APPBP2: variants seen among roughly 807,000 people sequenced by gnomAD.
APPBP2 encodes the protein amyloid beta precursor protein binding protein 2, also known as amyloid protein-binding protein 2.
APPBP2 carries 15 observed loss-of-function variants against 76.0 expected under a neutral mutation model. That is an observed-to-expected ratio of 0.20 (90% confidence interval 0.13 to 0.30). The LOEUF is 0.30. APPBP2 is among the 10% of genes least tolerant of loss of function. The pLI, the probability that APPBP2 is intolerant of heterozygous loss-of-function variation, is 1.00. For missense variants in APPBP2, 401 were observed against 687.2 expected (o/e 0.58, Z 4.66); for synonymous variants, 222 against 242.2 (o/e 0.92, Z 0.77).
chr17:60,445,094 T>C lies in APPBP2; in HGVS notation c.*2487A>G, dbSNP rs770058878. 7 of 152,230 alleles carry C rather than the reference T, an allele frequency of 4.6e-5. No individual in the cohort carries two copies. Among genetic ancestry groups the C allele is most frequent in the Non-Finnish European group, 1.0e-4 (7 of 68,038 alleles). 9.4% of individuals were successfully genotyped at this position (152,230 alleles called of 1,614,324 possible). ...TTACACTTAAAGTCATAGGGTATTATTCTTCATTAGAACCAGAAATAATAG... is the reference window on the plus strand; with the variant it reads ...TTACACTTAAAGTCATAGGGTATTACTCTTCATTAGAACCAGAAATAATAG... On this transcript the variant is annotated 3_prime_UTR_variant, in exon 13 of 13. Coordinates refer to ENST00000083182, the MANE Select transcript of APPBP2 (RefSeq NM_006380.5).
At position 60,477,386 on chromosome 17, in the gene APPBP2, G is replaced by C. The variant is rs147809062; in HGVS notation, c.503+1762C>G. 1.8e-4 allele frequency: 28 copies of C among 152,276 alleles called. No homozygotes were observed. The East Asian group carries it at 5.2e-3, about 28-fold the overall frequency. 9.4% of individuals were successfully genotyped at this position (152,276 alleles called of 1,614,324 possible). ...ATCTTTTGGTCAAGATTGCCATAGT[G>C]AATAATCTATGATAAAAATCATACA... On this transcript the variant is annotated intron_variant, in intron 4 of 12. Transcript: ENST00000083182.
intron 1 of APPBP2, among the ~76,000 whole-genome samples, chr17:60,523,181 G>C (rs2091024458): frequency 2.0e-5 from 3 of 152,218 alleles, no homozygotes; most frequent in African/African-American, 7.2e-5. Context: ...GCTTTAAAGT[G>C]CAGAAAATTG....
chr17:60,483,872 T>G (rs578239948), intron 3 of APPBP2, among the ~76,000 whole-genome samples: 21 of 152,312 alleles, frequency 1.4e-4, no homozygotes, highest in African/African-American at 4.8e-4. Flanking sequence ...GGTCTAACAT[T>G]TAAGTCTTTA....
At chr17:60,516,260 TAAAC>T (rs1436572411) in intron 1 of APPBP2, among the ~76,000 whole-genome samples, 1 of 152,170 alleles carries the variant, frequency 6.6e-6, no homozygotes, top group African/African-American at 2.4e-5. Flanking sequence ...CAGTGCCCAA[TAAAC>T]AAACATCCCA....
Position 60,444,303 on chromosome 17 carries a change from G to A in APPBP2, c.*3278C>T, listed in dbSNP as rs964747618. ...AAGCAGCAAGGCTACAAATTCTAGG[G>A]AAAACATAAAAAGTGGCAGTTAATG... is the stretch of plus-strand genomic sequence containing the variant. On this transcript the variant is annotated 3_prime_UTR_variant, in exon 13 of 13. Transcript: ENST00000083182. 6.6e-6 allele frequency: 1 copy of A among 152,296 alleles called. No individual in the cohort carries two copies. The highest frequency in any genetic ancestry group is 2.1e-4 in the South Asian group (1 of 4,782). The allele number at this position is 152,296 out of a possible 1,614,324, so 9.4% of individuals were successfully genotyped here. A position where few individuals can be genotyped will look rare whatever the true frequency, so the allele number is the denominator to read the frequency against.
intron 1 of APPBP2, among the ~76,000 whole-genome samples, chr17:60,510,983 T>C (rs2090907616): frequency 6.6e-6 from 1 of 152,136 alleles, no homozygotes; most frequent in Non-Finnish European, 1.5e-5. Flanking sequence ...AAGAATGAAC[T>C]TATGTGTATT....
At chr17:60,475,955 G>C (rs2090587910) in intron 4 of APPBP2, among the ~76,000 whole-genome samples, 1 of 152,244 alleles carries the variant, frequency 6.6e-6, no homozygotes, top group Admixed American at 6.5e-5. Flanking sequence ...AAACTGAAAA[G>C]GGGGTTGCGG....
intron 4 of APPBP2, among the ~76,000 whole-genome samples, chr17:60,469,463 A>G (rs939552623): frequency 6.6e-6 from 1 of 151,928 alleles, no homozygotes; most frequent in African/African-American, 2.4e-5. Flanking sequence ...CATATGAGCT[A>G]TTTTTAAGTA....
chr17:60,526,078 C>T lies in APPBP2; in HGVS notation c.-147G>A. On this transcript the variant is annotated 5_prime_UTR_variant, in exon 1 of 13. Coordinates refer to ENST00000083182, the MANE Select transcript of APPBP2 (RefSeq NM_006380.5). ...ACGGCAGAAGGCACGGCCGCCCTGC[C>T]TCCTCCGGGGGCAAACTGAGGGACG... is the stretch of plus-strand genomic sequence containing the variant. 1.4e-6 allele frequency: 1 copy of T among 734,502 alleles called. No individual in the cohort carries two copies. Among genetic ancestry groups the T allele is most frequent in the South Asian group, 1.9e-5 (1 of 53,512 alleles). The allele number at this position is 734,502 out of a possible 1,614,324, so 45.5% of individuals were successfully genotyped here. A position where few individuals can be genotyped will look rare whatever the true frequency, so the allele number is the denominator to read the frequency against.
chr17:60,506,588 T>A (rs1465003333), intron 1 of APPBP2, among the ~76,000 whole-genome samples: 1 of 152,216 alleles, frequency 6.6e-6, no homozygotes, highest in African/African-American at 2.4e-5. Context: ...CACAGTAGCA[T>A]TAAGACATGC....
chr17:60,448,444 C>G (rs2090367131), intron 12 of APPBP2, among the ~76,000 whole-genome samples: 1 of 152,208 alleles, frequency 6.6e-6, no homozygotes, highest in African/African-American at 2.4e-5. Context: ...GCTTGGGTGA[C>G]AGAGAGAGAC....
intron 3 of APPBP2, among the ~76,000 whole-genome samples, chr17:60,481,198 C>G (rs1422631684): frequency 1.3e-5 from 2 of 152,130 alleles, no homozygotes; most frequent in African/African-American, 4.8e-5. Flanking sequence ...CTTGGTTCCC[C>G]AAGCCATAGG....
At chr17:60,481,080 C>A (rs534547550) in intron 3 of APPBP2, among the ~76,000 whole-genome samples, 1 of 152,186 alleles carries the variant, frequency 6.6e-6, no homozygotes, top group Admixed American at 6.5e-5. Context: ...CCTAGACCCA[C>A]GGGCCCTCTT....
intron 8 of APPBP2, 121 bp downstream of exon 8, chr17:60,461,689 T>C: frequency 1.5e-6 from 1 of 662,338 alleles, no homozygotes; most frequent in Non-Finnish European, 2.7e-6. Context: ...TGATGCAACC[T>C]ATATTGGTGG....
chr17:60,462,125 G>T, intron 6 of APPBP2, 64 bp from the exon 7 acceptor site: 1 of 1,238,482 alleles, frequency 8.1e-7, no homozygotes, highest in Non-Finnish European at 1.2e-6. Context: ...AATACGTGTA[G>T]TTTATATATT....
At chr17:60,489,115 G>A (rs994958435) in intron 3 of APPBP2, among the ~76,000 whole-genome samples, 10 of 151,896 alleles carry the variant, frequency 6.6e-5, no homozygotes, top group Admixed American at 3.3e-4. Flanking sequence ...CCAGCTACTC[G>A]GGAGGCTGAG....
intron 10 of APPBP2, 91 bp downstream of exon 10, chr17:60,456,205 C>G (rs937183932): frequency 1.1e-5 from 10 of 919,704 alleles, no homozygotes; most frequent in Non-Finnish European, 1.7e-5. Flanking sequence ...TGAGAAAATC[C>G]TCCAATCCTC....
intron 3 of APPBP2, among the ~76,000 whole-genome samples, chr17:60,482,127 C>T (rs1261433725): frequency 6.6e-6 from 1 of 152,140 alleles, no homozygotes; most frequent in Non-Finnish European, 1.5e-5. Flanking sequence ...GAGATCCGCC[C>T]ACCTCAGCCT....
In APPBP2 at chr17:60,454,913, G is replaced by A. The variant is rs541176028; in HGVS notation, c.1148-421C>T. Among the ~76,000 whole-genome samples, 4 of 152,018 alleles carry A rather than the reference G, an allele frequency of 2.6e-5. 1 individual carries two copies. Among genetic ancestry groups the A allele is most frequent in the South Asian group, 4.1e-4 (2 of 4,824 alleles). ...TAAAACATAACCTTTAACCAAACACGGCTAAAAGAACTGATTTCCTCCTAC... is the reference window on the plus strand; with the variant it reads ...TAAAACATAACCTTTAACCAAACACAGCTAAAAGAACTGATTTCCTCCTAC... On this transcript the variant is annotated intron_variant, in intron 10 of 12. Transcript: ENST00000083182.
Sources: allele counts gnomAD v4.1 joint callset (sites outside exome capture counted in the v4.1 genomes callset), GRCh38; gene constraint gnomAD v4.1.1; transcripts MANE v1.5; gene names NCBI Gene and HGNC (gene_info 2026-07-23, HGNC 2026-07-21).